Variants in SP140L observed in about 807,000 individuals in gnomAD.
The protein encoded by SP140L is SP140 like nuclear body protein, also known as nuclear body protein SP140-like protein.
SP140L carries 64 observed loss-of-function variants against 84.3 expected under a neutral mutation model. That is an observed-to-expected ratio of 0.76 (90% CI 0.62 to 0.94). The LOEUF is 0.94. SP140L is among the 40% of genes least tolerant of loss of function. The probability of loss-of-function intolerance (pLI) is 0.00; values close to 1 mark genes in which losing one functional copy is unlikely to be tolerated. For missense variants in SP140L, 628 were observed against 692.5 expected (o/e 0.91, Z 1.05); for synonymous variants, 242 against 236.9 (o/e 1.02, Z -0.20).
At chr2:230,371,750 G>A (rs1227770665) in intron 7 of SP140L, 99 bp downstream of exon 7, 4 of 1,139,694 alleles carry the variant, frequency 3.5e-6, no homozygotes, top group Non-Finnish European at 5.1e-6. Flanking sequence ...GTTATTATTT[G>A]CAATACTGTG....
At chr2:230,385,400 A>T in intron 9 of SP140L, 96 bp downstream of exon 9, 2 of 1,142,212 alleles carry the variant, frequency 1.8e-6, no homozygotes. Flanking sequence ...TTACTAGTCA[A>T]ACTTAGTCAA....
intron 2 of SP140L, among the ~76,000 whole-genome samples, chr2:230,338,913 G>T (rs1308912666): frequency 7.1e-6 from 1 of 141,626 alleles, no homozygotes; most frequent in Non-Finnish European, 1.5e-5. Context: ...TTTTATTGAG[G>T]ATTTTTGCAT....
At position 230,383,559 on chromosome 2, in the gene SP140L, A is replaced by G; in HGVS notation, c.687A>G (p.Lys229=). 1.2e-6 allele frequency: 2 copies of G among 1,605,292 alleles called. No homozygotes were observed. Among genetic ancestry groups the G allele is most frequent in the Non-Finnish European group, 1.7e-6 (2 of 1,175,864 alleles). The change falls in exon 8 of 19, where the codon AAA becomes AAG. Residue 229 remains lysine (K), a synonymous_variant. Transcript: ENST00000415673. ...GWSRMGTRTQ[K]NNQQNDNSKA... is the part of the protein sequence containing the mutation. Reference sequence around the variant, plus strand: ...GCAGAATGGGAACGAGAACGCAGAAAAACAACCAACAAAATGGTAAGCAGG... The same window carrying G: ...GCAGAATGGGAACGAGAACGCAGAAGAACAACCAACAAAATGGTAAGCAGG...
In SP140L at chr2:230,370,951, A is replaced by C. The variant is rs765128928; in HGVS notation, c.567A>C (p.Gln189His). ...CGGAAGCAAGGAAGGAAAGTGACCA[A>C]GCATGTGGCAAAATGGGTAAGGCTG... ...ESPEARKESDQACGKMDTVDI... is the reference protein window; with the variant it reads ...ESPEARKESDHACGKMDTVDI... Residue 189 changes from glutamine (Q) to histidine (H), a missense_variant, in exon 6 of 19, where the codon CAA becomes CAC. By Grantham distance (24) the Gln-to-His change is conservative (BLOSUM62 0). Around this residue, in one of 4 missense-constraint regions of SP140L, gnomAD observed 525 missense variants for 518.4 expected, o/e 1.01. Transcript: ENST00000415673. 6.2e-7 allele frequency: 1 copy of C among 1,613,856 alleles called. No individual in the cohort carries two copies. Among genetic ancestry groups the C allele is most frequent in the South Asian group, 1.1e-5 (1 of 91,024 alleles).
chr2:230,344,149 G>A (rs1204972936), intron 2 of SP140L, among the ~76,000 whole-genome samples: 1 of 152,194 alleles, frequency 6.6e-6, no homozygotes, highest in Non-Finnish European at 1.5e-5. Context: ...TACTGTGTGA[G>A]AGTCTAAGTC....
chr2:230,341,279 C>T (rs1042481309), intron 2 of SP140L, among the ~76,000 whole-genome samples: 5 of 144,398 alleles, frequency 3.5e-5, no homozygotes, highest in Admixed American at 1.4e-4. Context: ...TCCAGTTGAT[C>T]GCATCGGCTC....
intron 2 of SP140L, among the ~76,000 whole-genome samples, chr2:230,350,684 C>T (rs73110345): frequency 0.12 from 17,962 of 151,032 alleles, 1,085 homozygotes; most frequent in Middle Eastern, 0.15. Context: ...TTATTTAAGA[C>T]GTTAGGGATT....
Position 230,401,011 on chromosome 2 carries a change from G to T in SP140L, c.1370G>T (p.Cys457Phe). ...RMKESPGSQQ[C>F]CQESEVLERQ... Reference sequence around the variant, plus strand: ...AAGGAGTCTCCGGGAAGCCAACAGTGTTGTCAGGAATCTGAGGTCCTGGAG... The same window carrying T: ...AAGGAGTCTCCGGGAAGCCAACAGTTTTGTCAGGAATCTGAGGTCCTGGAG... The change falls in exon 16 of 19, where the codon TGT (cysteine) becomes TTT (phenylalanine). Residue 457 changes from cysteine (C) to phenylalanine (F), a missense_variant. This residue lies in a region of SP140L where 52 missense variants were observed against 87.0 expected (regional missense o/e 0.60). Transcript: ENST00000415673. 4.6e-6 allele frequency: 7 copies of T among 1,508,322 alleles called. No homozygotes were observed. Among genetic ancestry groups the T allele is most frequent in the Non-Finnish European group, 6.3e-6 (7 of 1,108,000 alleles). The allele number at this position is 1,508,322 out of a possible 1,614,324, so 93.4% of individuals were successfully genotyped here.
chr2:230,359,023 C>T lies in SP140L; in HGVS notation c.330C>T (p.Leu110=), dbSNP rs747013276. 1.2e-6 allele frequency: 2 copies of T among 1,613,526 alleles called. No homozygotes were observed. Among genetic ancestry groups the T allele is most frequent in the Non-Finnish European group, 1.7e-6 (2 of 1,179,772 alleles). The part of the protein sequence containing the change: ...VPVQRVVYNV[L]SELEKTFNLS... Reference sequence around the variant, plus strand: ...TACAAAGAGTGGTGTACAATGTTCTCAGTGAACTGGAGAAGACATTTAACC... The same window carrying T: ...TACAAAGAGTGGTGTACAATGTTCTTAGTGAACTGGAGAAGACATTTAACC... Residue 110 remains leucine (L), a synonymous_variant, in exon 4 of 19, where the codon CTC becomes CTT. Coordinates refer to ENST00000415673, the MANE Select transcript of SP140L (RefSeq NM_138402.6).
intron 7 of SP140L, among the ~76,000 whole-genome samples, chr2:230,380,865 A>G (rs1213796320): frequency 1.3e-5 from 2 of 152,290 alleles, no homozygotes; most frequent in South Asian, 2.1e-4. Flanking sequence ...AATTTTGTTT[A>G]TAATTCTCCT....
At chr2:230,364,474 A>T (rs2060809607) in intron 5 of SP140L, among the ~76,000 whole-genome samples, 1 of 152,108 alleles carries the variant, frequency 6.6e-6, no homozygotes, top group African/African-American at 2.4e-5. Flanking sequence ...GAAATGCAAC[A>T]GATTTTTTAT....
At chr2:230,329,334 T>C (rs2059663767) in intron 2 of SP140L, among the ~76,000 whole-genome samples, 1 of 152,232 alleles carries the variant, frequency 6.6e-6, no homozygotes, top group South Asian at 2.1e-4. Flanking sequence ...AACTTCAGCC[T>C]TCACAGCTTT....
chr2:230,398,565 A>G (rs1388315614), intron 14 of SP140L, among the ~76,000 whole-genome samples: 1 of 152,240 alleles, frequency 6.6e-6, no homozygotes, highest in Non-Finnish European at 1.5e-5. Context: ...TGCCACTGCA[A>G]ACTCTGTGAG....
intron 5 of SP140L, among the ~76,000 whole-genome samples, chr2:230,364,248 G>C (rs1429232726): frequency 6.6e-6 from 1 of 152,022 alleles, no homozygotes; most frequent in African/African-American, 2.4e-5. Context: ...GAGCACTGTG[G>C]ATAGTATGAA....
intron 5 of SP140L, among the ~76,000 whole-genome samples, chr2:230,367,856 A>G (rs968900811): frequency 3.9e-5 from 6 of 152,172 alleles, no homozygotes; most frequent in Non-Finnish European, 8.8e-5. Context: ...CGCTTGAACC[A>G]GGGAGCTGGA....
chr2:230,368,539 C>A (rs753259734), intron 5 of SP140L, among the ~76,000 whole-genome samples: 1 of 152,130 alleles, frequency 6.6e-6, no homozygotes, highest in Non-Finnish European at 1.5e-5. Flanking sequence ...TTTAAATAAT[C>A]TTTCTATCCC....
chr2:230,387,987 G>A (rs551377656), intron 9 of SP140L, among the ~76,000 whole-genome samples: 4 of 152,256 alleles, frequency 2.6e-5, no homozygotes, highest in African/African-American at 9.6e-5. Context: ...GATATGTGCA[G>A]CATACATCTC....
intron 12 of SP140L, among the ~76,000 whole-genome samples, chr2:230,392,687 A>G (rs1368120478): frequency 6.6e-6 from 1 of 152,060 alleles, no homozygotes; most frequent in Non-Finnish European, 1.5e-5. Flanking sequence ...TCTGTGGAGC[A>G]CTTTAATGCC....
chr2:230,378,447 T>C (rs1215745634), intron 7 of SP140L, among the ~76,000 whole-genome samples: 1 of 152,162 alleles, frequency 6.6e-6, no homozygotes, highest in East Asian at 1.9e-4. Flanking sequence ...AGAGGCCTAT[T>C]ACTTTTGCGA....
Sources: gnomAD v4.1 joint callset for allele counts (sites outside exome capture counted in the v4.1 genomes callset) on GRCh38, gnomAD v4.1.1 for gene constraint, gnomAD v4.1.1 regional missense constraint, MANE v1.5 for transcripts, NCBI Gene and HGNC (gene_info 2026-07-23, HGNC 2026-07-21) for gene names.